NTNG1: variants seen among roughly 807,000 people sequenced by gnomAD.
NTNG1 encodes the protein netrin G1.
NTNG1 carries 16 observed loss-of-function variants against 54.0 expected under a neutral mutation model. That is an observed-to-expected ratio of 0.30 (90% CI 0.20 to 0.45). The LOEUF is 0.45. Ranked by LOEUF, NTNG1 falls within the 20% of genes least tolerant of loss-of-function variation. The probability of loss-of-function intolerance (pLI) is 1.00; values close to 1 mark genes in which losing one functional copy is unlikely to be tolerated. For synonymous variants in NTNG1, 255 were observed against 263.1 expected (o/e 0.97, Z 0.30); for missense variants, 530 against 678.7 (o/e 0.78, Z 2.43).
At chr1:107,271,501 C>T (rs970128680) in intron 2 of NTNG1, among the ~76,000 whole-genome samples, 2 of 152,010 alleles carry the variant, frequency 1.3e-5, no homozygotes, top group Non-Finnish European at 2.9e-5. Context: ...AACAAAACAA[C>T]AAAAACACAT....
intron 2 of NTNG1, among the ~76,000 whole-genome samples, chr1:107,208,388 C>T (rs904565291): frequency 6.7e-5 from 10 of 150,252 alleles, no homozygotes; most frequent in Admixed American, 6.6e-4. Context: ...CATGATCACA[C>T]CACTGCACTC....
chr1:107,332,619 G>A (rs888177333), intron 3 of NTNG1, among the ~76,000 whole-genome samples: 14 of 151,982 alleles, frequency 9.2e-5, no homozygotes, highest in African/African-American at 2.7e-4. Flanking sequence ...GCCATTGTTT[G>A]ATACTTAGTG....
intron 3 of NTNG1, among the ~76,000 whole-genome samples, chr1:107,361,915 A>C (rs1301891833): frequency 1.3e-5 from 2 of 152,198 alleles, no homozygotes; most frequent in Non-Finnish European, 2.9e-5. Flanking sequence ...ATTTTGTAGA[A>C]TCTTAGAGCG....
chr1:107,256,516 C>T (rs1570970785), intron 2 of NTNG1, among the ~76,000 whole-genome samples: 1 of 152,310 alleles, frequency 6.6e-6, no homozygotes, highest in East Asian at 1.9e-4. Context: ...AAGCAATTAA[C>T]ATAAAGAGTA....
chr1:107,330,795 A>C (rs549748943), intron 3 of NTNG1: 23 of 152,214 alleles, frequency 1.5e-4, no homozygotes, highest in African/African-American at 5.5e-4. Flanking sequence ...AATCGATGAC[A>C]TTGAGGATTT....
At chr1:107,186,992 A>T (rs768370747) in intron 2 of NTNG1, among the ~76,000 whole-genome samples, 3 of 152,144 alleles carry the variant, frequency 2.0e-5, no homozygotes, top group African/African-American at 7.2e-5. Context: ...TTGCACACTT[A>T]TGCAGTATAC....
chr1:107,307,975 A>G (rs1418124999), intron 2 of NTNG1, among the ~76,000 whole-genome samples: 2 of 151,580 alleles, frequency 1.3e-5, no homozygotes, highest in Non-Finnish European at 2.9e-5. Flanking sequence ...GTCCTTCAGA[A>G]TATTCACAGC....
intron 2 of NTNG1, among the ~76,000 whole-genome samples, chr1:107,175,605 G>GTTTTT (rs1390185431): frequency 1.3e-5 from 2 of 149,760 alleles, no homozygotes; most frequent in African/African-American, 4.9e-5. Context: ...CTTTCTGTGT[G>GTTTTT]TTTTGTTTTT....
chr1:107,441,113 C>A (rs932010851), intron 7 of NTNG1, among the ~76,000 whole-genome samples: 3 of 152,028 alleles, frequency 2.0e-5, no homozygotes, highest in African/African-American at 4.8e-5. Flanking sequence ...TAAAATTGAG[C>A]CTTCTACATA....
At chr1:107,460,861 C>T (rs907197988) in intron 7 of NTNG1, among the ~76,000 whole-genome samples, 3 of 152,120 alleles carry the variant, frequency 2.0e-5, no homozygotes, top group South Asian at 2.1e-4. Flanking sequence ...CTGGCAGCCC[C>T]GTGTACTGGG....
chr1:107,279,910 G>A (rs1188352807), intron 2 of NTNG1, among the ~76,000 whole-genome samples: 1 of 151,982 alleles, frequency 6.6e-6, no homozygotes, highest in Non-Finnish European at 1.5e-5. Flanking sequence ...CCCACCATGG[G>A]TTGCAGTCCT....
At chr1:107,142,419 A>G (rs564663054) in intron 1 of NTNG1, among the ~76,000 whole-genome samples, 1 of 152,084 alleles carries the variant, frequency 6.6e-6, no homozygotes, top group South Asian at 2.1e-4. Context: ...GAAAAGTCGC[A>G]GGTTGAGCTC....
intron 2 of NTNG1, among the ~76,000 whole-genome samples, chr1:107,298,739 A>G (rs905781904): frequency 2.0e-5 from 3 of 152,176 alleles, no homozygotes; most frequent in Admixed American, 6.6e-5. Flanking sequence ...ACATGCACAC[A>G]TCTGGCTGCA....
chr1:107,190,906 T>G (rs1178560679), intron 2 of NTNG1, among the ~76,000 whole-genome samples: 2 of 152,192 alleles, frequency 1.3e-5, no homozygotes, highest in Non-Finnish European at 2.9e-5. Context: ...TGTGTCTTTA[T>G]AGCAGCATGA....
intron 5 of NTNG1, among the ~76,000 whole-genome samples, chr1:107,423,451 C>T (rs556486665): frequency 1.4e-4 from 22 of 152,138 alleles, no homozygotes; most frequent in African/African-American, 4.8e-4. Context: ...AAATGGCAAT[C>T]GTGCCAAGGT....
chr1:107,422,006 T>C (rs938333017), intron 5 of NTNG1, among the ~76,000 whole-genome samples: 5 of 152,132 alleles, frequency 3.3e-5, no homozygotes, highest in Non-Finnish European at 5.9e-5. Flanking sequence ...TTGAATTTAG[T>C]CATTTCCTAG....
At chr1:107,141,309 T>A (rs1266994975) in intron 1 of NTNG1, 169 bp downstream of exon 1, 1 of 149,938 alleles carries the variant, frequency 6.7e-6, no homozygotes, top group African/African-American at 2.4e-5. Flanking sequence ...GGGAGGAGGC[T>A]CCGCGGGAGC....
intron 2 of NTNG1, among the ~76,000 whole-genome samples, chr1:107,280,901 A>ATTTTT (rs140457943): frequency 7.7e-6 from 1 of 130,446 alleles, no homozygotes; most frequent in Non-Finnish European, 1.6e-5. Context: ...ATTTTATTTT[A>ATTTTT]TTTATTTTGG....
At chr1:107,405,511 AT>A (rs1045249668) in intron 4 of NTNG1, among the ~76,000 whole-genome samples, 11 of 152,162 alleles carry the variant, frequency 7.2e-5, no homozygotes, top group African/African-American at 2.7e-4. Flanking sequence ...TGGAACAAAC[AT>A]TGCTCCCCTG....
Sources: allele counts gnomAD v4.1 joint callset (sites outside exome capture counted in the v4.1 genomes callset), GRCh38; gene constraint gnomAD v4.1.1; transcripts MANE v1.5; gene names NCBI Gene and HGNC (gene_info 2026-07-23, HGNC 2026-07-21).